UACA: variants seen among roughly 807,000 people sequenced by gnomAD.
UACA encodes uveal autoantigen with coiled-coil domains and ankyrin repeats.
UACA carries 112 observed loss-of-function variants against 160.5 expected under a neutral mutation model. The ratio of observed to expected loss-of-function variants is 0.70; its 90% CI spans 0.60 to 0.82. The LOEUF (loss-of-function observed/expected upper bound fraction) is 0.82, where lower values mean the gene tolerates loss of function less well. UACA is among the 40% of genes least tolerant of loss of function. UACA has a pLI of 0.00. For synonymous variants in UACA, 557 were observed against 568.4 expected, an observed-to-expected ratio of 0.98 and a Z score of 0.29; for missense variants, 1,574 against 1,614.6, an observed-to-expected ratio of 0.97 and a Z score of 0.43.
intron 1 of UACA, chr15:70,702,318 C>T: frequency 1.0e-6 from 1 of 995,794 alleles, no homozygotes. Flanking sequence ...TAAAACTGTC[C>T]ACATCCGAAT....
chr15:70,690,516 T>C lies in UACA; in HGVS notation c.367-5A>G. Reference sequence around the variant, plus strand: ...ATGCTCAGTGGGACAATTGTACTGTTAAAGTAAAGAAAACTTAGTAAAGTA... The same window carrying C: ...ATGCTCAGTGGGACAATTGTACTGTCAAAGTAAAGAAAACTTAGTAAAGTA... On this transcript the variant is annotated splice_region_variant and splice_polypyrimidine_tract_variant and intron_variant, in intron 4 of 18. Coordinates refer to ENST00000322954, the MANE Select transcript of UACA (RefSeq NM_018003.4). 1.1e-5 allele frequency: 18 copies of C among 1,609,940 alleles called. No individual in the cohort carries two copies. The highest frequency in any genetic ancestry group is 1.5e-5 in the Non-Finnish European group (18 of 1,177,966).
chr15:70,741,071 G>C (rs1489163129), intron 1 of UACA, among the ~76,000 whole-genome samples: 2 of 152,006 alleles, frequency 1.3e-5, no homozygotes, highest in Non-Finnish European at 2.9e-5. Context: ...AATAAAAAGG[G>C]GGGGCTGGGC....
chr15:70,772,384 T>G, the UACA span, among the ~76,000 whole-genome samples: 13 of 151,366 alleles, frequency 8.6e-5, no homozygotes, highest in African/African-American at 3.2e-4. Flanking sequence ...TCCCAGCTAC[T>G]TGGGAGGCTG....
Position 70,763,322 on chromosome 15 carries a change from G to T in UACA, c.78+8C>A. ...GGAGCGCCTCGCAGCCCGGACCGCG[G>T]GACTCACCGCGCTGGCGGCGGCGGC... is the stretch of plus-strand genomic sequence containing the variant. On this transcript the variant is annotated splice_region_variant and intron_variant, in intron 1 of 18. Coordinates refer to ENST00000322954, the MANE Select transcript of UACA (RefSeq NM_018003.4). 1 of 1,334,026 alleles carries T rather than the reference G, an allele frequency of 7.5e-7. No homozygotes were observed. Among genetic ancestry groups the T allele is most frequent in the Non-Finnish European group, 9.6e-7 (1 of 1,036,976 alleles). The allele number at this position is 1,334,026 out of a possible 1,614,324, so 82.6% of individuals were successfully genotyped here.
At chr15:70,682,315 T>G (rs1461787654) in intron 9 of UACA, among the ~76,000 whole-genome samples, 2 of 152,176 alleles carry the variant, frequency 1.3e-5, no homozygotes, top group Non-Finnish European at 2.9e-5. Context: ...GAAATCACAA[T>G]ATATAATCAG....
chr15:70,752,251 A>C (rs1279731992), intron 1 of UACA, among the ~76,000 whole-genome samples: 1 of 151,876 alleles, frequency 6.6e-6, no homozygotes, highest in Non-Finnish European at 1.5e-5. Context: ...AAAAAAAAAA[A>C]AAAAAAACTT....
Position 70,749,531 on chromosome 15 carries a change from A to C in UACA, c.78+13799T>G, listed in dbSNP as rs528896607. 4.0e-5 allele frequency among the ~76,000 whole-genome samples: 6 copies of C among 151,294 alleles called. No homozygotes were observed. In the East Asian group the frequency reaches 5.8e-4, roughly 15 times the overall value. ...ATAAGCAAGACTCCGTCTCAAAAAA[A>C]AAAAACAAAAACAAAAAATTAGCCA... On this transcript the variant is annotated intron_variant, in intron 1 of 18. Transcript: ENST00000322954.
In UACA at chr15:70,718,042, C is replaced by T. The variant is rs1000001675; in HGVS notation, c.79-18382G>A. 4.1e-4 allele frequency among the ~76,000 whole-genome samples: 62 copies of T among 151,554 alleles called. 1 individual carries two copies. The highest frequency in any genetic ancestry group is 1.5e-3 in the African/African-American group (61 of 41,196). On this transcript the variant is annotated intron_variant, in intron 1 of 18. Coordinates refer to ENST00000322954, the MANE Select transcript of UACA (RefSeq NM_018003.4). Reference sequence around the variant, plus strand: ...AAATTTCTTTATACACACACACACACACACACACACACACACATATATATC... The same window carrying T: ...AAATTTCTTTATACACACACACACATACACACACACACACACATATATATC...
At chr15:70,768,541 AATG>A (rs200971794), upstream of UACA, among the ~76,000 whole-genome samples, 1,250 of 152,298 alleles carry the variant, frequency 8.2e-3, 7 homozygotes, top group Non-Finnish European at 0.012. Flanking sequence ...GCTTCACTTT[AATG>A]ATAAGACTGA....
chr15:70,751,277 A>G (rs915217908), intron 1 of UACA, among the ~76,000 whole-genome samples: 6 of 152,172 alleles, frequency 3.9e-5, no homozygotes, highest in Admixed American at 1.3e-4. Context: ...AATTTTTTTC[A>G]TAATTGAAAA....
intron 1 of UACA, 68 bp downstream of exon 1, chr15:70,763,262 T>C (rs116529282): frequency 0.18 from 233,765 of 1,284,328 alleles, 23,037 homozygotes; most frequent in African/African-American, 0.31. Context: ...GCGCGCGAAC[T>C]CGCCAGCAAA....
intron 1 of UACA, among the ~76,000 whole-genome samples, chr15:70,752,023 G>A (rs1188203772): frequency 6.6e-6 from 1 of 152,044 alleles, no homozygotes; most frequent in Admixed American, 6.5e-5. Flanking sequence ...GATCACCTGA[G>A]GTCAGGAGTT....
rs200591121 is a variant in UACA at position 70,669,389 on chromosome 15, C to T, written c.1295G>A (p.Ser432Asn). The change falls in exon 16 of 19, where the codon AGT becomes AAT. Residue 432 changes from serine to asparagine, a missense_variant. Coordinates refer to ENST00000322954, the MANE Select transcript of UACA (RefSeq NM_018003.4). ...MLRPLELSLP[S>N]QTSYSENEIL... is the part of the protein sequence containing the mutation. ...TTCATTTTCAGAGTATGACGTTTGA[C>T]TGGGTAAAGATAGTTCCAGAGGTCT... 3 of 1,613,472 alleles carry T rather than the reference C, an allele frequency of 1.9e-6. No homozygotes were observed. The highest frequency in any genetic ancestry group is 2.5e-6 in the Non-Finnish European group (3 of 1,179,872).
chr15:70,726,994 T>C (rs895586708), intron 1 of UACA, among the ~76,000 whole-genome samples: 1 of 152,198 alleles, frequency 6.6e-6, no homozygotes, highest in African/African-American at 2.4e-5. Flanking sequence ...CTAATCCACA[T>C]GCTCTTCCAC....
intron 1 of UACA, among the ~76,000 whole-genome samples, chr15:70,728,307 TA>T (rs1379809494): frequency 6.6e-6 from 1 of 152,168 alleles, no homozygotes; most frequent in East Asian, 1.9e-4. Context: ...CTCACGCCTG[TA>T]ATCCCAGCAC....
At chr15:70,670,671 A>G (rs1261011327) in intron 15 of UACA, among the ~76,000 whole-genome samples, 1 of 151,998 alleles carries the variant, frequency 6.6e-6, no homozygotes, top group Non-Finnish European at 1.5e-5. Context: ...CCCCTGGATC[A>G]AGAGGAAAAA....
intron 1 of UACA, among the ~76,000 whole-genome samples, chr15:70,701,043 G>A (rs1898342387): frequency 6.6e-6 from 1 of 152,148 alleles, no homozygotes; most frequent in African/African-American, 2.4e-5. Flanking sequence ...AATACTTGAT[G>A]TAGAAAATGA....
Position 70,671,952 on chromosome 15 carries a change from C to CT in UACA, c.1168+12dup, listed in dbSNP as rs762449321. The CT allele has an allele frequency of 3.6e-5, 57 of 1,592,258 alleles. No individual in the cohort carries two copies. Among genetic ancestry groups the CT allele is most frequent in the Non-Finnish European group, 4.9e-5 (57 of 1,168,578 alleles). On this transcript the variant is annotated intron_variant, in intron 14 of 18. Transcript: ENST00000322954. ...AGGTGAACTGTAATGATAATCCATA[C>CT]TTTTATACTTACGGTTACTGAAATG...
chr15:70,685,601 T>C (rs1221269174), intron 7 of UACA, among the ~76,000 whole-genome samples: 2 of 152,212 alleles, frequency 1.3e-5, no homozygotes, highest in Non-Finnish European at 2.9e-5. Context: ...GGTTATAAAT[T>C]ATGTTGAAAA....
Sources: gnomAD v4.1 joint callset for allele counts (sites outside exome capture counted in the v4.1 genomes callset) on GRCh38, gnomAD v4.1.1 for gene constraint, MANE v1.5 for transcripts, NCBI Gene and HGNC (gene_info 2026-07-23, HGNC 2026-07-21) for gene names.